The following NDST4 variants were observed in gnomAD, a reference collection of about 807,000 sequenced individuals.
The protein encoded by NDST4 is N-heparan sulfate sulfotransferase 4.
Under a neutral mutation model 100.8 loss-of-function variants are expected in NDST4, and 63 were observed. That is an observed-to-expected ratio of 0.62 (90% CI 0.51 to 0.77). The LOEUF is 0.77. Among genes scored for constraint, NDST4 ranks in the 30% least tolerant of loss-of-function variants. NDST4 has a pLI of 0.00. For synonymous variants in NDST4, 377 were observed against 361.8 expected, an observed-to-expected ratio of 1.04 and a Z score of -0.48; for missense variants, 943 against 1,018.4, an observed-to-expected ratio of 0.93 and a Z score of 1.01.
intron 7 of NDST4, among the ~76,000 whole-genome samples, chr4:114,858,695 G>A (rs1313369476): frequency 4.6e-5 from 7 of 152,204 alleles, no homozygotes; most frequent in Non-Finnish European, 1.0e-4. Flanking sequence ...AGGAGTTGAT[G>A]TGGGAATGGA....
chr4:114,974,708 CA>C (rs1318009840), intron 3 of NDST4, among the ~76,000 whole-genome samples: 18 of 152,076 alleles, frequency 1.2e-4, no homozygotes, highest in African/African-American at 4.3e-4. Flanking sequence ...TTCAGTTTGG[CA>C]CCTGTGGGTG....
chr4:115,072,118 A>G (rs568574171), intron 2 of NDST4, among the ~76,000 whole-genome samples: 2 of 152,252 alleles, frequency 1.3e-5, no homozygotes, highest in South Asian at 4.1e-4. Flanking sequence ...AAGACATGTT[A>G]TAGTCAAAGA....
rs747489542 is a variant in NDST4, at chr4:115,076,476, A to C, written c.561T>G (p.Asn187Lys). 1.9e-6 allele frequency: 3 copies of C among 1,613,972 alleles called. No individual in the cohort carries two copies. The East Asian group carries it at 6.7e-5, about 36-fold the overall frequency. The change falls in exon 2 of 14, where the codon AAT becomes AAG. Residue 187 changes from asparagine (N) to lysine (K), a missense_variant. Around this residue, in one of 2 missense-constraint regions of NDST4, gnomAD observed 417 missense variants for 384.2 expected, o/e 1.09. Transcript: ENST00000264363. ...TAACAAAACAGTCCTTTAGAGCTAG[A>C]TTATTGAAAAGGTTTAACGGAAAGC... ...LKGFPLNLFN[N>K]LALKDCFVNP...
At chr4:114,869,784 T>G (rs1309529274) in intron 7 of NDST4, among the ~76,000 whole-genome samples, 1 of 152,166 alleles carries the variant, frequency 6.6e-6, no homozygotes, top group African/African-American at 2.4e-5. Flanking sequence ...GAGAAAAAAT[T>G]TATTTTGTTC....
In NDST4 at chr4:115,093,991, A is replaced by AT. The variant is rs201686609; in HGVS notation, c.-246-16710dup. On this transcript the variant is annotated intron_variant, in intron 1 of 13. Transcript: ENST00000264363. ...GAGAGAAAAATAAAGCAAGAAGCTG[A>AT]TTTTTTTAAAACAGCTAATCAATTT... is the stretch of plus-strand genomic sequence containing the variant. Among the ~76,000 whole-genome samples, 94 of 152,172 alleles carry AT rather than the reference A, an allele frequency of 6.2e-4. 1 individual carries two copies. In the South Asian group the frequency reaches 0.018, roughly 29 times the overall value.
chr4:115,084,652 G>C (rs1729372476), intron 1 of NDST4, among the ~76,000 whole-genome samples: 1 of 152,212 alleles, frequency 6.6e-6, no homozygotes, highest in Non-Finnish European at 1.5e-5. Flanking sequence ...ATATAGCTCT[G>C]ACTGTTGTTT....
chr4:114,857,855 A>G (rs190961766), intron 7 of NDST4, among the ~76,000 whole-genome samples: 1 of 152,296 alleles, frequency 6.6e-6, no homozygotes, highest in Admixed American at 6.5e-5. Context: ...AAGTTCTAAG[A>G]AAGAGGCATG....
rs144280460 is a variant in NDST4 at position 115,105,470 on chromosome 4, T to G, written c.-247+7974A>C. Among the ~76,000 whole-genome samples the G allele has an allele frequency of 6.1e-3, 936 of 152,234 alleles. 17 individuals are homozygous for G. Among genetic ancestry groups the G allele is most frequent in the African/African-American group, 0.021 (890 of 41,560 alleles). On this transcript the variant is annotated intron_variant, in intron 1 of 13. Transcript: ENST00000264363. ...ACTCTAGGGCATATCCTGAGTAATT[T>G]CCACTGTGTAATTTTACCCAGTGGT...
At chr4:115,003,373 A>C (rs1727340164) in intron 2 of NDST4, among the ~76,000 whole-genome samples, 1 of 152,242 alleles carries the variant, frequency 6.6e-6, no homozygotes, top group South Asian at 2.1e-4. Flanking sequence ...TTGTTTCTCC[A>C]AGAAATGCAT....
chr4:115,008,834 A>T (rs1164404585), intron 2 of NDST4, among the ~76,000 whole-genome samples: 1 of 129,190 alleles, frequency 7.7e-6, no homozygotes. Flanking sequence ...ACTTCAGCAA[A>T]GTCGCAGGAT....
In NDST4 at chr4:114,950,938, C is replaced by A. The variant is rs561170794; in HGVS notation, c.1222-13435G>T. 3.3e-4 allele frequency among the ~76,000 whole-genome samples: 50 copies of A among 152,082 alleles called. No individual in the cohort carries two copies. The Middle Eastern group carries it at 0.01, about 31-fold the overall frequency. On this transcript the variant is annotated intron_variant, in intron 4 of 13. Coordinates refer to ENST00000264363, the MANE Select transcript of NDST4 (RefSeq NM_022569.3). The stretch of plus-strand genomic sequence containing the variant: ...ATCAACTAAGTAAGTAAAATCTCAG[C>A]GTCTCGATCATTTTTGCATCCCTGG...
At chr4:114,836,566 A>G (rs1447588162) in intron 11 of NDST4, among the ~76,000 whole-genome samples, 1 of 151,808 alleles carries the variant, frequency 6.6e-6, no homozygotes, top group African/African-American at 2.4e-5. Context: ...CTTCGTTTCA[A>G]CCTTGGAGAA....
At chr4:114,885,672 C>G (rs1019384071) in intron 6 of NDST4, among the ~76,000 whole-genome samples, 4 of 152,036 alleles carry the variant, frequency 2.6e-5, no homozygotes, top group African/African-American at 7.2e-5. Context: ...AAAGGTCATA[C>G]AGGCAACATA....
intron 2 of NDST4, among the ~76,000 whole-genome samples, chr4:115,001,804 C>T (rs183190052): frequency 6.6e-6 from 1 of 152,182 alleles, no homozygotes; most frequent in Admixed American, 6.5e-5. Flanking sequence ...TTTCAATTTA[C>T]TTCATGAAAT....
intron 4 of NDST4, among the ~76,000 whole-genome samples, chr4:114,940,529 G>A (rs1373225520): frequency 1.3e-5 from 2 of 152,198 alleles, no homozygotes; most frequent in Admixed American, 6.5e-5. Context: ...ACAGGACGGG[G>A]AGCATGTAGG....
intron 6 of NDST4, among the ~76,000 whole-genome samples, chr4:114,923,111 A>T (rs186936034): frequency 6.6e-6 from 1 of 152,328 alleles, no homozygotes; most frequent in African/African-American, 2.4e-5. Context: ...CTGACATGTC[A>T]AATGGAACTC....
At chr4:115,036,811 A>T (rs906770168) in intron 2 of NDST4, among the ~76,000 whole-genome samples, 4 of 151,990 alleles carry the variant, frequency 2.6e-5, no homozygotes, top group African/African-American at 4.8e-5. Context: ...ACTACAAAAA[A>T]TTTTCAAGCA....
intron 4 of NDST4, among the ~76,000 whole-genome samples, chr4:114,965,157 A>G (rs1479748534): frequency 6.6e-6 from 1 of 152,074 alleles, no homozygotes; most frequent in African/African-American, 2.4e-5. Flanking sequence ...TAAATACCCT[A>G]TAAGTTATTA....
chr4:114,883,535 G>C (rs1189832051), intron 6 of NDST4, among the ~76,000 whole-genome samples: 1 of 152,054 alleles, frequency 6.6e-6, no homozygotes, highest in East Asian at 1.9e-4. Flanking sequence ...AAAAAAGAAA[G>C]AGCAGAGAGC....
Sources: gnomAD v4.1 joint callset for allele counts (sites outside exome capture counted in the v4.1 genomes callset) on GRCh38, gnomAD v4.1.1 for gene constraint, gnomAD v4.1.1 regional missense constraint, MANE v1.5 for transcripts, NCBI Gene and HGNC (gene_info 2026-07-23, HGNC 2026-07-21) for gene names.